The following PHACTR1 variants were observed in gnomAD, a reference collection of about 807,000 sequenced individuals.
The protein encoded by PHACTR1 is phosphatase and actin regulator 1.
A neutral mutation model predicts 69.2 loss-of-function variants in PHACTR1; 16 were observed. The observed-to-expected ratio is 0.23, with a 90% CI of 0.16 to 0.35. PHACTR1 has a LOEUF of 0.35. PHACTR1 is among the 10% of genes least tolerant of loss of function. The pLI is 1.00. For synonymous variants in PHACTR1, 312 were observed against 284.5 expected, an observed-to-expected ratio of 1.10 and a Z score of -0.97; for missense variants, 510 against 734.7, an observed-to-expected ratio of 0.69 and a Z score of 3.54.
intron 4 of PHACTR1, among the ~76,000 whole-genome samples, chr6:12,766,399 C>G (rs1296684635): frequency 1.3e-5 from 2 of 152,132 alleles, no homozygotes; most frequent in Non-Finnish European, 2.9e-5. Flanking sequence ...CTACAGAACT[C>G]TGAGGTCCAT....
intron 4 of PHACTR1, among the ~76,000 whole-genome samples, chr6:12,798,011 T>C (rs1412061474): frequency 7.2e-6 from 1 of 139,420 alleles, no homozygotes; most frequent in Non-Finnish European, 1.5e-5. Flanking sequence ...GTTATTTTCT[T>C]GGACTGTCAA....
chr6:12,888,184 A>AAGC (rs903372648), intron 4 of PHACTR1, among the ~76,000 whole-genome samples: 3 of 151,596 alleles, frequency 2.0e-5, no homozygotes, highest in African/African-American at 7.3e-5. Flanking sequence ...GGCTGGAAGG[A>AAGC]AGCAGCTGAG....
chr6:13,133,969 C>T (rs1365647956), intron 5 of PHACTR1, among the ~76,000 whole-genome samples: 3 of 150,630 alleles, frequency 2.0e-5, no homozygotes, highest in South Asian at 2.1e-4. Context: ...ATGTGAGGAG[C>T]GCCTCTGCCC....
At chr6:12,805,607 C>CTTTTT (rs766185084) in intron 4 of PHACTR1, among the ~76,000 whole-genome samples, 2 of 149,924 alleles carry the variant, frequency 1.3e-5, no homozygotes, top group African/African-American at 2.5e-5. Flanking sequence ...TTCTTTCTTT[C>CTTTTT]TTTCTTTTTT....
intron 4 of PHACTR1, among the ~76,000 whole-genome samples, chr6:12,864,359 G>A (rs1419589145): frequency 1.3e-5 from 2 of 152,144 alleles, no homozygotes; most frequent in East Asian, 1.9e-4. Context: ...TCAAAAGGGT[G>A]TTGCTGTTTG....
At chr6:12,869,166 T>C (rs1026390197) in intron 4 of PHACTR1, among the ~76,000 whole-genome samples, 1 of 152,152 alleles carries the variant, frequency 6.6e-6, no homozygotes, top group African/African-American at 2.4e-5. Flanking sequence ...CACAGGGCAT[T>C]GATAGATTCC....
chr6:12,842,139 A>C (rs1183844825), intron 4 of PHACTR1, among the ~76,000 whole-genome samples: 1 of 152,254 alleles, frequency 6.6e-6, no homozygotes, highest in Non-Finnish European at 1.5e-5. Context: ...AAAAATCTAT[A>C]AGGAGAACAA....
intron 6 of PHACTR1, among the ~76,000 whole-genome samples, chr6:13,176,434 A>G (rs1272516097): frequency 1.3e-5 from 2 of 152,154 alleles, no homozygotes; most frequent in African/African-American, 2.4e-5. Flanking sequence ...AAGGTTATGC[A>G]TTTTACAAGT....
At chr6:13,282,396 G>A (rs1398039179) in intron 12 of PHACTR1, among the ~76,000 whole-genome samples, 5 of 152,100 alleles carry the variant, frequency 3.3e-5, no homozygotes, top group African/African-American at 4.8e-5. Context: ...GGCTAATATC[G>A]GGAGATGGCA....
chr6:13,057,741 T>A (rs1807022026), intron 5 of PHACTR1, among the ~76,000 whole-genome samples: 1 of 152,222 alleles, frequency 6.6e-6, no homozygotes, highest in African/African-American at 2.4e-5. Context: ...AAATTATGAT[T>A]TCAACGTTTC....
intron 5 of PHACTR1, among the ~76,000 whole-genome samples, chr6:13,114,363 A>C (rs568063268): frequency 1.3e-5 from 2 of 152,120 alleles, no homozygotes; most frequent in Non-Finnish European, 2.9e-5. Flanking sequence ...TTCTTGGTAC[A>C]TTCTTAGGAA....
At chr6:12,972,870 C>T (rs1436327268) in intron 4 of PHACTR1, among the ~76,000 whole-genome samples, 2 of 152,042 alleles carry the variant, frequency 1.3e-5, no homozygotes, top group African/African-American at 2.4e-5. Context: ...AGGCTGGTCT[C>T]GAACTCCTGA....
intron 5 of PHACTR1, among the ~76,000 whole-genome samples, chr6:13,103,504 A>G (rs768370257): frequency 2.0e-5 from 3 of 152,242 alleles, no homozygotes; most frequent in African/African-American, 4.8e-5. Context: ...TATTATTTCA[A>G]TTCATCTCCC....
At chr6:13,035,457 C>G (rs1304027916) in intron 4 of PHACTR1, among the ~76,000 whole-genome samples, 2 of 151,794 alleles carry the variant, frequency 1.3e-5, no homozygotes, top group Non-Finnish European at 2.9e-5. Flanking sequence ...ACCCATTTTA[C>G]TGCATTGTTC....
intron 3 of PHACTR1, among the ~76,000 whole-genome samples, chr6:12,746,503 A>C (rs967043919): frequency 2.6e-5 from 4 of 152,212 alleles, no homozygotes; most frequent in Admixed American, 2.6e-4. Context: ...GCATCACTGC[A>C]CTCCAACCTG....
intron 5 of PHACTR1, among the ~76,000 whole-genome samples, chr6:13,140,431 ACAATGGAGTATTACT>A (rs1315294802): frequency 3.2e-4 from 49 of 152,370 alleles, no homozygotes; most frequent in African/African-American, 1.1e-3. Flanking sequence ...GCCTATATAT[ACAATGGAGTATTACT>A]CATCATTAAA....
chr6:13,014,124 G>A (rs1254131400), intron 4 of PHACTR1, among the ~76,000 whole-genome samples: 5 of 152,122 alleles, frequency 3.3e-5, no homozygotes, highest in Non-Finnish European at 7.4e-5. Flanking sequence ...CAGTCGGGGG[G>A]AGGACGCCCG....
At chr6:13,134,719 C>T (rs1377114581) in intron 5 of PHACTR1, among the ~76,000 whole-genome samples, 1 of 150,288 alleles carries the variant, frequency 6.7e-6, no homozygotes, top group Non-Finnish European at 1.5e-5. Flanking sequence ...TATCTGCTGA[C>T]CTTCCCTCCA....
chr6:12,887,580 C>A (rs1275066775), intron 4 of PHACTR1, among the ~76,000 whole-genome samples: 2 of 152,174 alleles, frequency 1.3e-5, no homozygotes, highest in Non-Finnish European at 2.9e-5. Context: ...ATGACATTCG[C>A]TCTTTGTGGT....
Sources: gnomAD v4.1 joint callset for allele counts (sites outside exome capture counted in the v4.1 genomes callset) on GRCh38, gnomAD v4.1.1 for gene constraint, MANE v1.5 for transcripts, NCBI Gene and HGNC (gene_info 2026-07-23, HGNC 2026-07-21) for gene names.